ARB2A: variants seen among roughly 807,000 people sequenced by gnomAD.
The protein encoded by ARB2A is cotranscriptional regulator ARB2A.
At chr5:93,951,685 T>A in the ARB2A span, among the ~76,000 whole-genome samples, 2 of 152,186 alleles carry the variant, frequency 1.3e-5, no homozygotes, top group Non-Finnish European at 1.5e-5. Context: ...GGTTGATGTG[T>A]CTGTTTTTAT....
chr5:93,870,025 C>A, the ARB2A span, among the ~76,000 whole-genome samples: 1 of 152,216 alleles, frequency 6.6e-6, no homozygotes, highest in Non-Finnish European at 1.5e-5. Context: ...GACATCTGGG[C>A]TCTTTCAGCA....
At chr5:93,788,082 C>T in the ARB2A span, among the ~76,000 whole-genome samples, 23 of 152,102 alleles carry the variant, frequency 1.5e-4, 1 homozygote, top group Admixed American at 1.5e-3. Flanking sequence ...GTGGCATGCT[C>T]CTAGTCTGGC....
At chr5:94,060,266 C>T in the ARB2A span, among the ~76,000 whole-genome samples, 3 of 152,070 alleles carry the variant, frequency 2.0e-5, no homozygotes, top group South Asian at 4.2e-4. Flanking sequence ...GCAGGAGAAT[C>T]GCTTGAACCT....
the ARB2A span, among the ~76,000 whole-genome samples, chr5:93,931,913 A>G: frequency 6.6e-6 from 1 of 152,164 alleles, no homozygotes; most frequent in Non-Finnish European, 1.5e-5. Flanking sequence ...CTTTAATTCA[A>G]TAGTAAATTT....
the ARB2A span, among the ~76,000 whole-genome samples, chr5:93,732,312 G>T: frequency 1.3e-5 from 2 of 152,034 alleles, no homozygotes; most frequent in African/African-American, 4.8e-5. Context: ...TATTCATTTG[G>T]TTTCTTCAAA....
chr5:94,041,146 C>A, the ARB2A span, among the ~76,000 whole-genome samples: 1 of 151,832 alleles, frequency 6.6e-6, no homozygotes, highest in Admixed American at 6.6e-5. Context: ...CGGTAAAAAT[C>A]ACTAGTTATC....
chr5:94,070,993 A>C, the ARB2A span, among the ~76,000 whole-genome samples: 2 of 152,176 alleles, frequency 1.3e-5, no homozygotes, highest in South Asian at 4.1e-4. Flanking sequence ...TAGTTCTTAC[A>C]AAGTTACTGT....
At chr5:93,933,762 T>C in the ARB2A span, among the ~76,000 whole-genome samples, 1 of 152,074 alleles carries the variant, frequency 6.6e-6, no homozygotes, top group African/African-American at 2.4e-5. Flanking sequence ...GTAACAAACC[T>C]GCATGTTCCG....
chr5:94,077,386 A>T, the ARB2A span, among the ~76,000 whole-genome samples: 3 of 152,108 alleles, frequency 2.0e-5, no homozygotes, highest in Non-Finnish European at 2.9e-5. Context: ...AAAAAAAAAA[A>T]AATTAATTAT....
chr5:93,772,882 T>C, the ARB2A span, among the ~76,000 whole-genome samples: 2 of 152,192 alleles, frequency 1.3e-5, no homozygotes, highest in African/African-American at 4.8e-5. Flanking sequence ...CTGCCATCAT[T>C]CACTGCTCTT....
chr5:94,066,572 G>A, the ARB2A span, among the ~76,000 whole-genome samples: 4 of 151,850 alleles, frequency 2.6e-5, no homozygotes, highest in Non-Finnish European at 4.4e-5. Context: ...AACTGTACAA[G>A]CTGGAAAACC....
the ARB2A span, among the ~76,000 whole-genome samples, chr5:93,772,109 T>C: frequency 2.0e-5 from 3 of 152,190 alleles, no homozygotes; most frequent in African/African-American, 7.2e-5. Flanking sequence ...AAATACACCA[T>C]GGAATACTAT....
the ARB2A span, among the ~76,000 whole-genome samples, chr5:94,096,843 A>C: frequency 6.6e-6 from 1 of 152,204 alleles, no homozygotes; most frequent in Non-Finnish European, 1.5e-5. Flanking sequence ...CTGGGAACTC[A>C]ACACAGGGTT....
the ARB2A span, among the ~76,000 whole-genome samples, chr5:93,622,755 T>C: frequency 1.7e-3 from 265 of 152,328 alleles, 1 homozygote; most frequent in African/African-American, 5.7e-3. Context: ...GCAAAATTCA[T>C]TGTTACTCAA....
chr5:93,938,926 T>G, the ARB2A span, among the ~76,000 whole-genome samples: 1 of 152,188 alleles, frequency 6.6e-6, no homozygotes, highest in African/African-American at 2.4e-5. Context: ...TAATTGTGCC[T>G]GAAAAGTTTA....
chr5:93,619,844 A>C, the ARB2A span: 2 of 152,222 alleles, frequency 1.3e-5, no homozygotes, highest in Non-Finnish European at 2.9e-5. Context: ...TTGGACTGAG[A>C]GAAGAAATTC....
chr5:94,014,550 G>T, the ARB2A span, among the ~76,000 whole-genome samples: 13,826 of 152,028 alleles, frequency 0.091, 790 homozygotes, highest in Middle Eastern at 0.16. Context: ...ACAAATCAAG[G>T]AACTAGTGTC....
At chr5:94,005,001 A>C in the ARB2A span, among the ~76,000 whole-genome samples, 8 of 110,678 alleles carry the variant, frequency 7.2e-5, no homozygotes, top group African/African-American at 3.0e-4. Flanking sequence ...TTATCAGCAA[A>C]AAAAAAAAAA....
chr5:93,833,096 C>A, the ARB2A span, among the ~76,000 whole-genome samples: 7 of 152,174 alleles, frequency 4.6e-5, no homozygotes, highest in Non-Finnish European at 8.8e-5. Context: ...TAATTTGAAT[C>A]CTATACCATT....
Sources: gnomAD v4.1 joint callset for allele counts (sites outside exome capture counted in the v4.1 genomes callset) on GRCh38, gnomAD v4.1.1 for gene constraint, MANE v1.5 for transcripts, NCBI Gene and HGNC (gene_info 2026-07-23, HGNC 2026-07-21) for gene names.